Variants in NRDE2 observed in about 807,000 individuals in gnomAD.
NRDE2 encodes the protein nuclear exosome regulator NRDE2.
In NRDE2, 76 loss-of-function variants were observed where a neutral mutation model predicts 124.2. The ratio of observed to expected loss-of-function variants is 0.61; its 90% CI spans 0.51 to 0.74. The LOEUF is 0.74. NRDE2 is among the 30% of genes least tolerant of loss of function. NRDE2 has a pLI of 0.00. For synonymous variants in NRDE2, 489 were observed against 528.1 expected (o/e 0.93, Z 1.01); for missense variants, 1,314 against 1,417.3 (o/e 0.93, Z 1.17).
intron 4 of NRDE2, among the ~76,000 whole-genome samples, chr14:90,305,647 G>C (rs960263448): frequency 6.6e-6 from 1 of 152,210 alleles, no homozygotes; most frequent in Non-Finnish European, 1.5e-5. Context: ...ACATTACACT[G>C]AGTGAAAGAA....
intron 12 of NRDE2, among the ~76,000 whole-genome samples, chr14:90,285,503 T>C (rs1182713854): frequency 6.6e-6 from 1 of 152,042 alleles, no homozygotes; most frequent in East Asian, 2.0e-4. Context: ...GGTTTCGCCA[T>C]GATGGCCAGG....
intron 1 of NRDE2, among the ~76,000 whole-genome samples, chr14:90,324,962 C>T (rs1181235014): frequency 3.3e-5 from 5 of 152,082 alleles, no homozygotes; most frequent in Middle Eastern, 3.4e-3. Context: ...GGACTAACGG[C>T]GGGGACGCTA....
intron 12 of NRDE2, among the ~76,000 whole-genome samples, chr14:90,285,894 G>A (rs752030307): frequency 4.6e-5 from 7 of 152,102 alleles, no homozygotes; most frequent in African/African-American, 9.6e-5. Context: ...CTTGGCCTCC[G>A]AAAGTGCTGG....
At chr14:90,296,952 C>G (rs1393328152) in intron 8 of NRDE2, among the ~76,000 whole-genome samples, 2 of 151,748 alleles carry the variant, frequency 1.3e-5, no homozygotes, top group Non-Finnish European at 2.9e-5. Context: ...CAGCCTGGAC[C>G]AATACAGTGA....
At position 90,286,669 on chromosome 14, in the gene NRDE2, G is replaced by A. The variant is rs117417473; in HGVS notation, c.3159-177C>T. 5.3e-3 allele frequency among the ~76,000 whole-genome samples: 810 copies of A among 152,294 alleles called. 5 individuals are homozygous for A. The highest frequency in any genetic ancestry group is 8.0e-3 in the Non-Finnish European group (546 of 68,022). ...GGGGCTTCTCCAAGGCCAGGAGAAG[G>A]CACAGGCCAGAGTTCTGTGGTTTCC... On this transcript the variant is annotated intron_variant, in intron 11 of 13. Transcript: ENST00000354366.
At chr14:90,297,160 A>G (rs1884202322) in intron 8 of NRDE2, among the ~76,000 whole-genome samples, 2 of 151,940 alleles carry the variant, frequency 1.3e-5, no homozygotes. Context: ...AAAGAAAAAA[A>G]AGAAAAGTAG....
In NRDE2 at chr14:90,298,154, T is replaced by C. The variant is rs1169093480; in HGVS notation, c.1666+106A>G. 4.9e-6 allele frequency: 6 copies of C among 1,222,402 alleles called. No homozygotes were observed. In the African/African-American group the frequency reaches 7.5e-5, roughly 15 times the overall value. 75.7% of individuals were successfully genotyped at this position (1,222,402 alleles called of 1,614,324 possible). A position where few individuals can be genotyped will look rare whatever the true frequency, so the allele number is the denominator to read the frequency against. ...TTGACATTTTGATGTTTGTGCAATA[T>C]TCTGAAGCTACTGATAAATAGCTTA... On this transcript the variant is annotated intron_variant, in intron 8 of 13. Transcript: ENST00000354366.
Position 90,279,090 on chromosome 14 carries a change from T to C in NRDE2, c.3341A>G (p.Lys1114Arg), listed in dbSNP as rs776468734. ...NKERSKGVFYKALQNCPWAKV... is the reference protein window; with the variant it reads ...NKERSKGVFYRALQNCPWAKV... ...TGCCCAAGGGCAATTCTGAAGTGCT[T>C]TGTAGAATACACCTTTGCTTCTTTC... Residue 1114 changes from lysine (K) to arginine (R), a missense_variant, in exon 13 of 14, where the codon AAA becomes AGA. Lys to Arg is a conservative substitution (Grantham distance 26). Coordinates refer to ENST00000354366, the MANE Select transcript of NRDE2 (RefSeq NM_017970.4). 1.9e-6 allele frequency: 3 copies of C among 1,612,932 alleles called. No homozygotes were observed. The highest frequency in any genetic ancestry group is 2.5e-6 in the Non-Finnish European group (3 of 1,178,800).
intron 1 of NRDE2, 115 bp downstream of exon 1, chr14:90,331,726 G>T: frequency 8.4e-7 from 1 of 1,193,022 alleles, no homozygotes; most frequent in Non-Finnish European, 1.2e-6. Flanking sequence ...CAGCGCCGCG[G>T]AGAACTCTGG....
chr14:90,326,707 T>C (rs1046778390), intron 1 of NRDE2, among the ~76,000 whole-genome samples: 1 of 152,072 alleles, frequency 6.6e-6, no homozygotes, highest in Non-Finnish European at 1.5e-5. Context: ...TTTTACATCA[T>C]TATAAAACAA....
Position 90,269,487 on chromosome 14 carries a change from T to A in NRDE2, c.*8849A>T. On this transcript the variant is annotated 3_prime_UTR_variant, in exon 14 of 14. Coordinates refer to ENST00000354366, the MANE Select transcript of NRDE2 (RefSeq NM_017970.4). ...TGGATGGATTTGATTCTAGGGGAGA[T>A]GTGAAAGTTATCATGGCCACAAACC... The A allele has an allele frequency of 1.2e-6, 2 of 1,613,850 alleles. No individual in the cohort carries two copies. Among genetic ancestry groups the A allele is most frequent in the Non-Finnish European group, 1.7e-6 (2 of 1,179,908 alleles).
intron 10 of NRDE2, among the ~76,000 whole-genome samples, chr14:90,289,762 A>C (rs1892218179): frequency 1.3e-5 from 2 of 152,142 alleles, no homozygotes; most frequent in Admixed American, 1.3e-4. Context: ...TAATTTTTGC[A>C]TTTTTAGTAG....
Position 90,268,480 on chromosome 14 carries a change from T to G in NRDE2, c.*9856A>C. Reference sequence around the variant, plus strand: ...CACCGCATAGCTCTTCTCTTGAGAATGAGCAATCTCAGGGGGCTCTCCCTA... The same window carrying G: ...CACCGCATAGCTCTTCTCTTGAGAAGGAGCAATCTCAGGGGGCTCTCCCTA... On this transcript the variant is annotated 3_prime_UTR_variant, in exon 14 of 14. Transcript: ENST00000354366. 6 of 1,501,578 alleles carry G rather than the reference T, an allele frequency of 4.0e-6. No homozygotes were observed. The highest frequency in any genetic ancestry group is 5.5e-6 in the Non-Finnish European group (6 of 1,090,152). The allele number at this position is 1,501,578 out of a possible 1,614,324, so 93.0% of individuals were successfully genotyped here. A position where few individuals can be genotyped will look rare whatever the true frequency, so the allele number is the denominator to read the frequency against.
chr14:90,293,134 C>T (rs1177568906), intron 8 of NRDE2, among the ~76,000 whole-genome samples: 1 of 152,176 alleles, frequency 6.6e-6, no homozygotes, highest in Admixed American at 6.5e-5. Context: ...TACTCTAGAA[C>T]AGTACTGTCC....
At chr14:90,296,619 G>C (rs1286277745) in intron 8 of NRDE2, among the ~76,000 whole-genome samples, 1 of 152,168 alleles carries the variant, frequency 6.6e-6, no homozygotes, top group African/African-American at 2.4e-5. Flanking sequence ...ACAAAGAAAG[G>C]TCACACCTGT....
chr14:90,301,166 T>C, intron 7 of NRDE2, 73 bp downstream of exon 7: 2 of 1,494,710 alleles, frequency 1.3e-6, no homozygotes, highest in Non-Finnish European at 9.3e-7. Flanking sequence ...CACCTCTCAT[T>C]ATCCACACCT....
chr14:90,327,512 A>G (rs1362804054), intron 1 of NRDE2, among the ~76,000 whole-genome samples: 1 of 151,922 alleles, frequency 6.6e-6, no homozygotes, highest in African/African-American at 2.4e-5. Flanking sequence ...TTGCGCCACT[A>G]CACTCCAACC....
intron 8 of NRDE2, among the ~76,000 whole-genome samples, chr14:90,296,808 C>T (rs1026913452): frequency 6.6e-6 from 1 of 152,120 alleles, no homozygotes; most frequent in Non-Finnish European, 1.5e-5. Flanking sequence ...CTGTCCAATA[C>T]GTCACCATTA....
intron 12 of NRDE2, among the ~76,000 whole-genome samples, chr14:90,284,691 G>A (rs373005631): frequency 3.9e-5 from 6 of 152,162 alleles, no homozygotes; most frequent in South Asian, 2.1e-4. Flanking sequence ...TTTGATTTCC[G>A]AAACGTACAA....
Sources: gnomAD v4.1 joint callset for allele counts (sites outside exome capture counted in the v4.1 genomes callset) on GRCh38, gnomAD v4.1.1 for gene constraint, MANE v1.5 for transcripts, NCBI Gene and HGNC (gene_info 2026-07-23, HGNC 2026-07-21) for gene names.